The following LAMA2 variants were observed in gnomAD, a reference collection of about 807,000 sequenced individuals.
LAMA2 encodes laminin subunit alpha-2.
In LAMA2, 269 loss-of-function variants were observed where a neutral mutation model predicts 364.8. The ratio of observed to expected loss-of-function variants is 0.74; its 90% CI spans 0.67 to 0.82. The LOEUF (loss-of-function observed/expected upper bound fraction) is 0.82, where lower values mean the gene tolerates loss of function less well. Ranked by LOEUF, LAMA2 falls within the 40% of genes least tolerant of loss-of-function variation. The probability of loss-of-function intolerance (pLI) is 0.00; values close to 1 mark genes in which losing one functional copy is unlikely to be tolerated. For missense variants in LAMA2, 3,807 were observed against 3,873.2 expected (o/e 0.98, Z 0.45); for synonymous variants, 1,379 against 1,370.6 (o/e 1.01, Z -0.14).
chr6:128,912,199 T>C (rs1778012975), intron 1 of LAMA2, among the ~76,000 whole-genome samples: 1 of 152,244 alleles, frequency 6.6e-6, no homozygotes, highest in Admixed American at 6.5e-5. Flanking sequence ...GTTCGTTTAA[T>C]TTTATAATAG....
At chr6:129,007,121 C>A (rs74837467) in intron 1 of LAMA2, among the ~76,000 whole-genome samples, 1 of 151,992 alleles carries the variant, frequency 6.6e-6, no homozygotes, top group African/African-American at 2.4e-5. Context: ...ATGCAGAGGG[C>A]GTAGGGGAAG....
intron 4 of LAMA2, among the ~76,000 whole-genome samples, chr6:129,130,564 A>G (rs966202781): frequency 6.6e-6 from 1 of 152,212 alleles, no homozygotes; most frequent in Non-Finnish European, 1.5e-5. Context: ...GTGGTGAGAC[A>G]TGGAAGATGT....
At chr6:129,131,614 G>T (rs538805240) in intron 4 of LAMA2, among the ~76,000 whole-genome samples, 1 of 152,306 alleles carries the variant, frequency 6.6e-6, no homozygotes, top group African/African-American at 2.4e-5. Flanking sequence ...GAAGGAACTA[G>T]GGATCTGTTG....
intron 58 of LAMA2, among the ~76,000 whole-genome samples, chr6:129,500,494 T>C (rs1303487778): frequency 6.6e-6 from 1 of 152,222 alleles, no homozygotes; most frequent in Admixed American, 6.5e-5. Flanking sequence ...GCCTGCTTCT[T>C]GAGGGCTGCC....
intron 1 of LAMA2, among the ~76,000 whole-genome samples, chr6:128,943,199 G>A (rs1012381295): frequency 6.6e-6 from 1 of 151,950 alleles, no homozygotes; most frequent in African/African-American, 2.4e-5. Context: ...CAAGAAGACT[G>A]TCTCTCTGTT....
chr6:129,441,982 CAA>C (rs796747068), intron 43 of LAMA2, among the ~76,000 whole-genome samples: 5 of 136,298 alleles, frequency 3.7e-5, no homozygotes, highest in Non-Finnish European at 3.2e-5. Context: ...GATGCTGTCT[CAA>C]AAAAAAAAAA....
chr6:129,495,551 C>T (rs1211110574), intron 58 of LAMA2, among the ~76,000 whole-genome samples: 1 of 152,084 alleles, frequency 6.6e-6, no homozygotes, highest in African/African-American at 2.4e-5. Context: ...AATTCCAAAT[C>T]GGGTACCATA....
chr6:128,914,033 TAAGAG>T (rs937093869), intron 1 of LAMA2, among the ~76,000 whole-genome samples: 2 of 152,134 alleles, frequency 1.3e-5, no homozygotes, highest in African/African-American at 2.4e-5. Context: ...AAAAAATTAA[TAAGAG>T]AAGAGGCAAG....
chr6:129,005,870 C>T (rs1459506310), intron 1 of LAMA2, among the ~76,000 whole-genome samples: 1 of 151,008 alleles, frequency 6.6e-6, no homozygotes, highest in Non-Finnish European at 1.5e-5. Flanking sequence ...AACGCTTGGC[C>T]ATTTTGTCTA....
intron 1 of LAMA2, chr6:128,928,989 G>A (rs1485944664): frequency 8.3e-7 from 1 of 1,211,292 alleles, no homozygotes. Flanking sequence ...CAGCTCAGAA[G>A]GAGCAGAAGG....
intron 12 of LAMA2, among the ~76,000 whole-genome samples, chr6:129,214,557 C>T (rs966727447): frequency 2.6e-5 from 4 of 152,078 alleles, no homozygotes; most frequent in Non-Finnish European, 2.9e-5. Flanking sequence ...CATTGAATTC[C>T]CTTTGCTCCT....
intron 12 of LAMA2, among the ~76,000 whole-genome samples, chr6:129,205,949 G>A (rs1782616421): frequency 6.6e-6 from 1 of 151,760 alleles, no homozygotes; most frequent in South Asian, 2.1e-4. Flanking sequence ...CCTGAACTCC[G>A]GAGGCGGAGA....
intron 6 of LAMA2, among the ~76,000 whole-genome samples, chr6:129,148,128 A>T (rs1018911224): frequency 6.6e-6 from 1 of 151,912 alleles, no homozygotes. Context: ...TTTTATTTGG[A>T]GGAAGTGAAA....
intron 12 of LAMA2, among the ~76,000 whole-genome samples, chr6:129,223,690 C>G (rs368508477): frequency 3.0e-4 from 46 of 152,226 alleles, no homozygotes; most frequent in Non-Finnish European, 5.6e-4. Flanking sequence ...CTATTCTGTT[C>G]CATTGATCTA....
chr6:128,897,928 C>G (rs554965037), intron 1 of LAMA2, among the ~76,000 whole-genome samples: 1 of 152,112 alleles, frequency 6.6e-6, no homozygotes. Context: ...AGTTAGACAT[C>G]GAGAGTTTGA....
In LAMA2 at chr6:129,409,832, T is replaced by G. The variant is rs77989128; in HGVS notation, c.5865+5873T>G. On this transcript the variant is annotated intron_variant, in intron 40 of 64. Coordinates refer to ENST00000421865, the MANE Select transcript of LAMA2 (RefSeq NM_000426.4). ...AGTCTGGACTTGTTGCAGAGCCCAC[T>G]TAAAATTGGCAGCCTTTCAGGTCAC... 9.0e-3 allele frequency among the ~76,000 whole-genome samples: 1,371 copies of G among 152,340 alleles called. 21 individuals are homozygous for G. Among genetic ancestry groups the G allele is most frequent in the African/African-American group, 0.031 (1,294 of 41,576 alleles).
chr6:128,991,634 G>A (rs1783620611), intron 1 of LAMA2, among the ~76,000 whole-genome samples: 1 of 152,152 alleles, frequency 6.6e-6, no homozygotes, highest in South Asian at 2.1e-4. Flanking sequence ...TTCTGTAATA[G>A]TGGCTAACTT....
chr6:129,324,776 C>T (rs764923366), intron 28 of LAMA2, among the ~76,000 whole-genome samples: 13 of 152,114 alleles, frequency 8.5e-5, no homozygotes, highest in Non-Finnish European at 1.6e-4. Context: ...AGCAAAGGTA[C>T]ATTAAAAATA....
intron 1 of LAMA2, among the ~76,000 whole-genome samples, chr6:128,992,939 T>C (rs1783694257): frequency 6.6e-6 from 1 of 152,190 alleles, no homozygotes; most frequent in South Asian, 2.1e-4. Context: ...TACAGGGCTA[T>C]CCAAAAGAAA....
Sources: allele counts gnomAD v4.1 joint callset (sites outside exome capture counted in the v4.1 genomes callset), GRCh38; gene constraint gnomAD v4.1.1; transcripts MANE v1.5; gene names NCBI Gene and HGNC (gene_info 2026-07-23, HGNC 2026-07-21).